TMEM117: variants seen among roughly 807,000 people sequenced by gnomAD.
TMEM117 encodes transmembrane protein 117.
A neutral mutation model predicts 52.4 loss-of-function variants in TMEM117; 27 were observed. The ratio of observed to expected loss-of-function variants is 0.51; its 90% CI spans 0.38 to 0.71. The LOEUF is 0.71. TMEM117 is among the 30% of genes least tolerant of loss of function. TMEM117 has a pLI of 0.00. For missense variants in TMEM117, 556 were observed against 630.5 expected (o/e 0.88, Z 1.26); for synonymous variants, 215 against 206.3 (o/e 1.04, Z -0.36).
chr12:44,390,375 A>C (rs927548272), downstream of TMEM117, among the ~76,000 whole-genome samples: 34 of 152,140 alleles, frequency 2.2e-4, no homozygotes, highest in Non-Finnish European at 4.6e-4. Flanking sequence ...TGGGACATGT[A>C]AATAATAACA....
At chr12:43,901,871 G>C (rs1944310434) in intron 2 of TMEM117, among the ~76,000 whole-genome samples, 1 of 151,920 alleles carries the variant, frequency 6.6e-6, no homozygotes. Flanking sequence ...ATGGGATTTA[G>C]TATTCAGTAA....
In TMEM117 at chr12:43,998,240, C is replaced by A. The variant is rs386471793; in HGVS notation, c.410+53898C>A. Among the ~76,000 whole-genome samples, 173 of 152,292 alleles carry A rather than the reference C, an allele frequency of 1.1e-3. 2 individuals carry two copies. The Middle Eastern group carries it at 0.014, about 12-fold the overall frequency. On this transcript the variant is annotated intron_variant, in intron 3 of 7. Coordinates refer to ENST00000266534, the MANE Select transcript of TMEM117 (RefSeq NM_032256.3). ...TTGGGAATTCCAGAAACAAAATCAT[C>A]CAGACATTGGTAGAGGGAAAGGCAA...
chr12:44,194,268 G>A (rs181341533), intron 4 of TMEM117, among the ~76,000 whole-genome samples: 9 of 152,054 alleles, frequency 5.9e-5, no homozygotes, highest in South Asian at 2.1e-4. Flanking sequence ...GATTTCTTTC[G>A]GAAAAAGCTT....
chr12:44,388,735 T>G lies in TMEM117; in HGVS notation c.*63T>G. The G allele has an allele frequency of 6.4e-7, 1 of 1,554,878 alleles. No homozygotes were observed. Among genetic ancestry groups the G allele is most frequent in the Non-Finnish European group, 8.7e-7 (1 of 1,150,162 alleles). On this transcript the variant is annotated 3_prime_UTR_variant, in exon 8 of 8. Transcript: ENST00000266534. ...CTTGAGTGTAACTTTAAAAATTTAG[T>G]CTTTCCTTTTGTATATGTAAGGTTT... is the stretch of plus-strand genomic sequence containing the variant.
chr12:44,302,276 A>G (rs1247889777), intron 6 of TMEM117, among the ~76,000 whole-genome samples: 1 of 152,080 alleles, frequency 6.6e-6, no homozygotes. Context: ...CCGAGAGGAG[A>G]GTCCAGCCTC....
At chr12:44,009,377 T>C (rs74087905) in intron 3 of TMEM117, 10,556 of 201,824 alleles carry the variant, frequency 0.052, 427 homozygotes, top group African/African-American at 0.12. Context: ...TAAAGTCTTC[T>C]CAGGAGGATG....
At chr12:44,181,355 T>G (rs986596376) in intron 4 of TMEM117, among the ~76,000 whole-genome samples, 174 of 152,286 alleles carry the variant, frequency 1.1e-3, no homozygotes, top group African/African-American at 4.0e-3. Context: ...CTCTTTAGTT[T>G]AATTAGATCC....
intron 3 of TMEM117, among the ~76,000 whole-genome samples, chr12:44,054,955 C>T (rs1218016169): frequency 1.3e-5 from 2 of 151,988 alleles, no homozygotes; most frequent in Non-Finnish European, 2.9e-5. Context: ...ATGTCCATGT[C>T]CCCAAATACT....
At chr12:44,186,349 C>T (rs1436809331) in intron 4 of TMEM117, among the ~76,000 whole-genome samples, 3 of 152,132 alleles carry the variant, frequency 2.0e-5, no homozygotes, top group South Asian at 2.1e-4. Context: ...GTTGGCAAAC[C>T]GAGCAAGACT....
chr12:43,826,697 G>T, the TMEM117 span, among the ~76,000 whole-genome samples: 2 of 152,210 alleles, frequency 1.3e-5, no homozygotes, highest in Admixed American at 1.3e-4. Flanking sequence ...CTTGGAAACT[G>T]AGGCCTACAA....
intron 4 of TMEM117, among the ~76,000 whole-genome samples, chr12:44,157,535 A>G (rs1350592209): frequency 6.6e-6 from 1 of 152,124 alleles, no homozygotes; most frequent in African/African-American, 2.4e-5. Flanking sequence ...ACAGGAACTG[A>G]TACCAAGACT....
chr12:44,152,986 C>T (rs977034846), intron 4 of TMEM117, among the ~76,000 whole-genome samples: 3 of 150,514 alleles, frequency 2.0e-5, no homozygotes, highest in Admixed American at 6.7e-5. Flanking sequence ...TCATGGTGGG[C>T]CTGCAGGAGG....
intron 5 of TMEM117, among the ~76,000 whole-genome samples, chr12:44,256,570 A>G (rs1485348231): frequency 6.6e-6 from 1 of 152,064 alleles, no homozygotes; most frequent in Non-Finnish European, 1.5e-5. Flanking sequence ...TTTTGCTGCT[A>G]TAGATTACTA....
intron 1 of TMEM117, among the ~76,000 whole-genome samples, chr12:43,842,213 C>G (rs765348631): frequency 6.6e-6 from 1 of 152,154 alleles, no homozygotes; most frequent in Admixed American, 6.5e-5. Flanking sequence ...GCTCTGCTCT[C>G]TTTGATGTGA....
intron 3 of TMEM117, among the ~76,000 whole-genome samples, chr12:44,105,952 G>A (rs573483730): frequency 1.3e-5 from 2 of 152,042 alleles, no homozygotes; most frequent in East Asian, 3.9e-4. Context: ...TCTAAATTTC[G>A]GTACCTTTCT....
chr12:44,027,597 A>G (rs1946563095), intron 3 of TMEM117, among the ~76,000 whole-genome samples: 1 of 152,198 alleles, frequency 6.6e-6, no homozygotes, highest in South Asian at 2.1e-4. Context: ...CTGCATTTTT[A>G]TGAGGAATAC....
chr12:44,090,184 A>G (rs187166718), intron 3 of TMEM117, among the ~76,000 whole-genome samples: 1 of 152,150 alleles, frequency 6.6e-6, no homozygotes, highest in East Asian at 1.9e-4. Context: ...CAATGTTTTT[A>G]ATTTAAATTT....
the TMEM117 span, among the ~76,000 whole-genome samples, chr12:43,822,723 G>T: frequency 6.6e-6 from 1 of 151,998 alleles, no homozygotes; most frequent in South Asian, 2.1e-4. Flanking sequence ...GAGGATGAAT[G>T]AAATATTGAT....
intron 6 of TMEM117, among the ~76,000 whole-genome samples, chr12:44,375,764 G>A (rs55844847): frequency 0.019 from 2,820 of 152,232 alleles, 94 homozygotes; most frequent in African/African-American, 0.064. Context: ...GTATACTAAT[G>A]TCTATGGATC....
Sources: allele counts gnomAD v4.1 joint callset (sites outside exome capture counted in the v4.1 genomes callset), GRCh38; gene constraint gnomAD v4.1.1; transcripts MANE v1.5; gene names NCBI Gene and HGNC (gene_info 2026-07-23, HGNC 2026-07-21).